The following CIB1 variants were observed in gnomAD, a reference collection of about 807,000 sequenced individuals.
CIB1 encodes calcium and integrin binding 1, also known as calcium and integrin-binding protein 1.
A neutral mutation model predicts 25.0 loss-of-function variants in CIB1; 19 were observed. The ratio of observed to expected loss-of-function variants is 0.76; its 90% CI spans 0.53 to 1.12. The LOEUF (loss-of-function observed/expected upper bound fraction) is 1.12. CIB1 is among the 50% of genes most tolerant of loss of function. The pLI, the probability that CIB1 is intolerant of heterozygous loss-of-function variation, is 0.00. For missense variants in CIB1, 236 were observed against 242.6 expected, an observed-to-expected ratio of 0.97 and a Z score of 0.18; for synonymous variants, 104 against 98.5, an observed-to-expected ratio of 1.06 and a Z score of -0.33.
chr15:90,253,137 C>A, the CIB1 span: 4 of 677,412 alleles, frequency 5.9e-6, no homozygotes, highest in Non-Finnish European at 5.0e-6. Flanking sequence ...GAACTACCTC[C>A]CTCTTCAACC....
At chr15:90,241,416 G>A in the CIB1 span, 1 of 1,613,636 alleles carries the variant, frequency 6.2e-7, no homozygotes, top group Non-Finnish European at 8.5e-7. Context: ...CGTGCTGCTG[G>A]TGCCTGAGCC....
the CIB1 span, chr15:90,261,947 T>C: frequency 7.3e-7 from 1 of 1,364,332 alleles, no homozygotes; most frequent in South Asian, 1.5e-5. Context: ...TCAGTCTTCC[T>C]TTCCCTACTG....
chr15:90,241,109 G>C, the CIB1 span: 1 of 1,614,042 alleles, frequency 6.2e-7, no homozygotes, highest in African/African-American at 1.3e-5. Context: ...GCTCTGCCTG[G>C]AAGCAGCGGG....
the CIB1 span, chr15:90,241,447 G>T: frequency 2.5e-6 from 4 of 1,613,470 alleles, no homozygotes; most frequent in South Asian, 1.1e-5. Context: ...CTCCCCCAGC[G>T]CCTGCTGCCG....
At chr15:90,243,661 T>G in the CIB1 span, 2 of 119,322 alleles carry the variant, frequency 1.7e-5, no homozygotes, top group African/African-American at 2.8e-5. Flanking sequence ...TTTTTTTTTT[T>G]TTTTTTTTTG....
the CIB1 span, chr15:90,262,249 A>G: frequency 5.6e-6 from 8 of 1,431,262 alleles, no homozygotes; most frequent in Non-Finnish European, 7.4e-6. Flanking sequence ...CTGAAGCTGC[A>G]TTGCTTCCCA....
At chr15:90,263,124 GA>G in the CIB1 span, 1 of 1,526,394 alleles carries the variant, frequency 6.6e-7, no homozygotes, top group South Asian at 1.2e-5. Context: ...CCCAGGGCCA[GA>G]AAAAACTTCA....
the CIB1 span, chr15:90,263,267 C>A: frequency 1.1e-6 from 1 of 891,484 alleles, no homozygotes; most frequent in Non-Finnish European, 1.7e-6. Context: ...CCTGGGAAAG[C>A]AGAGTGCGCT....
At chr15:90,265,171 G>A in the CIB1 span, 19 of 1,280,382 alleles carry the variant, frequency 1.5e-5, no homozygotes, top group African/African-American at 3.0e-5. Flanking sequence ...AAGACTAGAA[G>A]ATGAAGAGGC....
chr15:90,263,136 TGA>T, the CIB1 span: 3 of 1,525,766 alleles, frequency 2.0e-6, no homozygotes, highest in Non-Finnish European at 2.6e-6. Flanking sequence ...AAAAACTTCA[TGA>T]GAGTCGGGTG....
At chr15:90,264,947 A>C in the CIB1 span, 1 of 1,535,944 alleles carries the variant, frequency 6.5e-7, no homozygotes, top group South Asian at 1.2e-5. Context: ...AGCACTCCTC[A>C]ACATCAATCA....
At chr15:90,250,091 G>A in the CIB1 span, among the ~76,000 whole-genome samples, 5 of 151,638 alleles carry the variant, frequency 3.3e-5, no homozygotes, top group African/African-American at 1.2e-4. Flanking sequence ...CCGAGTAGCT[G>A]GGATTACAGG....
chr15:90,261,045 T>C, the CIB1 span, among the ~76,000 whole-genome samples: 1 of 151,914 alleles, frequency 6.6e-6, no homozygotes, highest in South Asian at 2.1e-4. Context: ...CTTCTAAATT[T>C]TCTGTAATGA....
the CIB1 span, chr15:90,263,178 A>C: frequency 6.7e-7 from 1 of 1,486,606 alleles, no homozygotes; most frequent in Non-Finnish European, 8.9e-7. Flanking sequence ...CCAGAGGAAA[A>C]GGGAACAAGG....
the CIB1 span, chr15:90,263,137 G>T: frequency 6.6e-7 from 1 of 1,525,274 alleles, no homozygotes; most frequent in African/African-American, 1.4e-5. Flanking sequence ...AAAACTTCAT[G>T]AGAGTCGGGT....
the CIB1 span, chr15:90,250,592 A>C: frequency 1.9e-6 from 3 of 1,595,338 alleles, no homozygotes; most frequent in East Asian, 4.5e-5. Flanking sequence ...TCTGATATAC[A>C]CTTCATTCCC....
chr15:90,232,739 C>A (rs1962529065), intron 2 of CIB1, among the ~76,000 whole-genome samples: 1 of 152,122 alleles, frequency 6.6e-6, no homozygotes, highest in South Asian at 2.1e-4. Flanking sequence ...AACCCCTTCT[C>A]TACTAAAAAT....
At chr15:90,263,968 G>C in the CIB1 span, 2 of 1,535,984 alleles carry the variant, frequency 1.3e-6, no homozygotes, top group Admixed American at 2.0e-5. Flanking sequence ...CAACTGGACA[G>C]GAGAGCCGGC....
chr15:90,244,278 C>A, the CIB1 span: 1 of 152,232 alleles, frequency 6.6e-6, no homozygotes, highest in African/African-American at 2.4e-5. Context: ...CTCTTGGGGT[C>A]TTTCCCAAGC....
Sources: allele counts gnomAD v4.1 joint callset (sites outside exome capture counted in the v4.1 genomes callset), GRCh38; gene constraint gnomAD v4.1.1; transcripts MANE v1.5; gene names NCBI Gene and HGNC (gene_info 2026-07-23, HGNC 2026-07-21).